Variants in GPR137B observed in about 807,000 individuals in gnomAD.
GPR137B encodes the protein integral membrane protein GPR137B.
A neutral mutation model predicts 42.5 loss-of-function variants in GPR137B; 42 were observed. The observed-to-expected ratio is 0.99, with a 90% CI of 0.77 to 1.28. The LOEUF (loss-of-function observed/expected upper bound fraction) is 1.28, where lower values mean the gene tolerates loss of function less well. Among genes scored for constraint, GPR137B ranks in the 50% most tolerant of loss-of-function variants. GPR137B has a pLI of 0.00. For synonymous variants in GPR137B, 218 were observed against 209.7 expected (o/e 1.04, Z -0.34); for missense variants, 487 against 493.9 (o/e 0.99, Z 0.13).
chr1:236,142,840 A>G lies in GPR137B; in HGVS notation c.218A>G (p.Lys73Arg), dbSNP rs763949225. The change falls in exon 1 of 7, where the codon AAG becomes AGG. Residue 73 changes from lysine to arginine, a missense_variant. Lys to Arg is a conservative substitution (Grantham distance 26, BLOSUM62 2). Transcript: ENST00000366592. ...QLWLVLRYRH[K>R]RLSYQSVFLF... is the part of the protein sequence containing the mutation. ...TGGCTGGTGCTGCGTTACCGCCACA[A>G]GCGGCTCAGCTACCAGAGCGTCTTC... is the stretch of plus-strand genomic sequence containing the variant. The G allele has an allele frequency of 3.7e-6, 6 of 1,614,034 alleles. No individual in the cohort carries two copies. The highest frequency in any genetic ancestry group is 1.1e-5 in the South Asian group (1 of 91,090).
intron 2 of GPR137B, among the ~76,000 whole-genome samples, chr1:236,177,972 C>T (rs1265362740): frequency 1.3e-5 from 2 of 152,014 alleles, no homozygotes; most frequent in Non-Finnish European, 2.9e-5. Context: ...CACAAAAGAC[C>T]TATACATAAG....
rs1213119722 is a variant in GPR137B at position 236,150,524 on chromosome 1, C to A, written c.414+7488C>A. Among the ~76,000 whole-genome samples, 1 of 152,116 alleles carries A rather than the reference C, an allele frequency of 6.6e-6. No homozygotes were observed. Among genetic ancestry groups the A allele is most frequent in the Non-Finnish European group, 1.5e-5 (1 of 68,016 alleles). On this transcript the variant is annotated intron_variant, in intron 1 of 6. Transcript: ENST00000366592. The surrounding 1 kb of genome is among the most constrained non-coding windows in gnomAD (Gnocchi z 6.2). Reference sequence around the variant, plus strand: ...AGTGCCTCGGTGATGCCCTGCCAACCGAGGGGGAACTAAATCCTGTTAATG... The same window carrying A: ...AGTGCCTCGGTGATGCCCTGCCAACAGAGGGGGAACTAAATCCTGTTAATG...
At chr1:236,168,100 A>G (rs916673462) in intron 1 of GPR137B, among the ~76,000 whole-genome samples, 1 of 151,632 alleles carries the variant, frequency 6.6e-6, no homozygotes, top group African/African-American at 2.4e-5. Flanking sequence ...CAAAAATTCT[A>G]ATAAAGAGAG....
chr1:236,208,112 C>T lies in GPR137B; in HGVS notation c.1154C>T (p.Thr385Ile), dbSNP rs777726522. The change falls in exon 7 of 7, where the codon ACT becomes ATT. Residue 385 changes from threonine to isoleucine, a missense_variant. Transcript: ENST00000366592. The stretch of plus-strand genomic sequence containing the variant: ...AACAGCTTCCTGGCACAAGCAGGAA[C>T]TTTGCAAGACTCAACTTTGGATCCT... ...QTNSFLAQAG[T>I]LQDSTLDPDK... The T allele has an allele frequency of 1.9e-5, 30 of 1,613,348 alleles. No individual in the cohort carries two copies. Among genetic ancestry groups the T allele is most frequent in the Non-Finnish European group, 2.5e-5 (30 of 1,179,438 alleles).
chr1:236,160,794 G>A (rs557529221), intron 1 of GPR137B, among the ~76,000 whole-genome samples: 7 of 152,144 alleles, frequency 4.6e-5, no homozygotes, highest in Admixed American at 2.6e-4. Flanking sequence ...CCTGTCAGCC[G>A]CACTGGACAC....
intron 5 of GPR137B, among the ~76,000 whole-genome samples, chr1:236,185,049 G>T (rs1460932137): frequency 6.6e-6 from 1 of 152,156 alleles, no homozygotes; most frequent in Non-Finnish European, 1.5e-5. Context: ...TTACAGGCGT[G>T]GGCCACCGCA....
At chr1:236,149,900 A>C (rs1571958233) in intron 1 of GPR137B, among the ~76,000 whole-genome samples, 1 of 150,402 alleles carries the variant, frequency 6.6e-6, no homozygotes, top group South Asian at 2.1e-4. Context: ...GTGTATGTAC[A>C]TGTGTGCCTG....
At position 236,171,811 on chromosome 1, in the gene GPR137B, G is replaced by A. The variant is rs1315503514; in HGVS notation, c.464+3056G>A. On this transcript the variant is annotated intron_variant, in intron 2 of 6. Coordinates refer to ENST00000366592, the MANE Select transcript of GPR137B (RefSeq NM_003272.4). This position sits in a 1 kb window ranked among gnomAD's most constrained non-coding sequence, Gnocchi z 4.4. ...TGTAATCCCAGCACTTTGGGAGGCC[G>A]AGGCAGGCAGATCACCTGAGATCAG... is the stretch of plus-strand genomic sequence containing the variant. Among the ~76,000 whole-genome samples the A allele has an allele frequency of 5.3e-5, 8 of 152,162 alleles. No homozygotes were observed. Among genetic ancestry groups the A allele is most frequent in the Non-Finnish European group, 8.8e-5 (6 of 68,018 alleles).
At chr1:236,191,510 C>T (rs1459891735) in intron 5 of GPR137B, among the ~76,000 whole-genome samples, 3 of 152,060 alleles carry the variant, frequency 2.0e-5, no homozygotes, top group African/African-American at 4.8e-5. Flanking sequence ...TGTTGGTGAC[C>T]TTCGGATGGG....
chr1:236,203,755 T>G (rs550902063), intron 5 of GPR137B, among the ~76,000 whole-genome samples: 1 of 152,338 alleles, frequency 6.6e-6, no homozygotes, highest in East Asian at 1.9e-4. Context: ...TTCTAGGTAT[T>G]TGTGGCTATT....
At chr1:236,192,592 G>A (rs979444448) in intron 5 of GPR137B, among the ~76,000 whole-genome samples, 1 of 152,044 alleles carries the variant, frequency 6.6e-6, no homozygotes, top group African/African-American at 2.4e-5. Flanking sequence ...GGGTAGGGGA[G>A]AAAATTCCCT....
At chr1:236,198,715 G>A (rs745376591) in intron 5 of GPR137B, among the ~76,000 whole-genome samples, 7 of 152,124 alleles carry the variant, frequency 4.6e-5, no homozygotes, top group Non-Finnish European at 8.8e-5. Flanking sequence ...TAAGTATTTT[G>A]TTTTTGCAGC....
chr1:236,149,728 C>G (rs1435899880), intron 1 of GPR137B, among the ~76,000 whole-genome samples: 1 of 152,256 alleles, frequency 6.6e-6, no homozygotes, highest in African/African-American at 2.4e-5. Context: ...AGGGCAAGGA[C>G]TGTGCTCAGC....
At chr1:236,169,973 G>C (rs991099772) in intron 2 of GPR137B, among the ~76,000 whole-genome samples, 1 of 148,442 alleles carries the variant, frequency 6.7e-6, no homozygotes, top group Non-Finnish European at 1.5e-5. Context: ...TCAGGAGGCA[G>C]AGGTTGCAGT....
intron 1 of GPR137B, among the ~76,000 whole-genome samples, chr1:236,144,603 A>G (rs1001679415): frequency 6.6e-6 from 1 of 152,242 alleles, no homozygotes. Context: ...GCGCATCAGC[A>G]TATTTTCCGG....
chr1:236,161,682 T>C lies in GPR137B; in HGVS notation c.415-7024T>C, dbSNP rs185152672. On this transcript the variant is annotated intron_variant, in intron 1 of 6. Coordinates refer to ENST00000366592, the MANE Select transcript of GPR137B (RefSeq NM_003272.4). The stretch of plus-strand genomic sequence containing the variant: ...ATGGGGGCTGGTCTTTCCCATGCTA[T>C]TCTTGTGATGGTGAATAAGTCTCAC... Among the ~76,000 whole-genome samples, 50 of 152,304 alleles carry C rather than the reference T, an allele frequency of 3.3e-4. No homozygotes were observed. In the East Asian group the frequency reaches 5.0e-3, roughly 15 times the overall value.
intron 4 of GPR137B, among the ~76,000 whole-genome samples, chr1:236,182,639 T>C (rs1213873099): frequency 6.6e-6 from 1 of 152,020 alleles, no homozygotes; most frequent in Non-Finnish European, 1.5e-5. Flanking sequence ...TCCTAGCTGC[T>C]TGGAGGGATC....
intron 5 of GPR137B, among the ~76,000 whole-genome samples, chr1:236,188,395 G>A (rs938218306): frequency 1.3e-5 from 2 of 152,176 alleles, no homozygotes; most frequent in East Asian, 3.8e-4. Context: ...TCCTTGCCTT[G>A]TGCGGGTTTT....
chr1:236,194,446 T>G (rs923599905), intron 5 of GPR137B, among the ~76,000 whole-genome samples: 4 of 152,198 alleles, frequency 2.6e-5, no homozygotes, highest in African/African-American at 9.6e-5. Context: ...ATCCACCTTG[T>G]GTTAGTTCCA....
Sources: allele counts gnomAD v4.1 joint callset (sites outside exome capture counted in the v4.1 genomes callset), GRCh38; gene constraint gnomAD v4.1.1; non-coding constraint Gnocchi (gnomAD v3.1); transcripts MANE v1.5; gene names NCBI Gene and HGNC (gene_info 2026-07-23, HGNC 2026-07-21).